VSNL1: variants seen among roughly 807,000 people sequenced by gnomAD.
The protein encoded by VSNL1 is visinin-like protein 1.
VSNL1 carries 6 observed loss-of-function variants against 20.4 expected under a neutral mutation model. The observed-to-expected ratio is 0.29, with a 90% CI of 0.16 to 0.58. The LOEUF (loss-of-function observed/expected upper bound fraction) is 0.58, where lower values mean the gene tolerates loss of function less well. VSNL1 is among the 20% of genes least tolerant of loss of function. The pLI, the probability that VSNL1 is intolerant of heterozygous loss-of-function variation, is 0.90. For synonymous variants in VSNL1, 93 were observed against 86.4 expected, an observed-to-expected ratio of 1.08 and a Z score of -0.42; for missense variants, 100 against 234.5, an observed-to-expected ratio of 0.43 and a Z score of 3.75.
chr2:17,564,777 G>T (rs1022540094), intron 1 of VSNL1, among the ~76,000 whole-genome samples: 10 of 152,142 alleles, frequency 6.6e-5, no homozygotes. Context: ...AGCAGTCAGG[G>T]TCTAATGGAG....
chr2:17,607,889 A>G (rs1664985538), intron 2 of VSNL1, among the ~76,000 whole-genome samples: 3 of 152,282 alleles, frequency 2.0e-5, no homozygotes, highest in Admixed American at 2.0e-4. Context: ...TTTTCAATAC[A>G]GAATGTTTAA....
rs192111927 is a variant in VSNL1, at chr2:17,615,038, T to C, written c.162+22802T>C. ...CAGTTTCTAGACTACTGAATAAATA[T>C]CTTCACCTTTCTTAACTACAGCTCC... On this transcript the variant is annotated intron_variant, in intron 2 of 3. Coordinates refer to ENST00000295156, the MANE Select transcript of VSNL1 (RefSeq NM_003385.5). Among the ~76,000 whole-genome samples, 121 of 152,308 alleles carry C rather than the reference T, an allele frequency of 7.9e-4. 1 individual carries two copies. Among genetic ancestry groups the C allele is most frequent in the Non-Finnish European group, 7.3e-4 (50 of 68,028 alleles).
intron 2 of VSNL1, among the ~76,000 whole-genome samples, chr2:17,606,668 G>T (rs1248111265): frequency 6.6e-6 from 1 of 152,154 alleles, no homozygotes; most frequent in Admixed American, 6.5e-5. Context: ...GCACTGAGGA[G>T]CCAGAGAGAG....
intron 2 of VSNL1, among the ~76,000 whole-genome samples, chr2:17,625,840 ATTTTTTTTTT>A (rs35795117): frequency 5.5e-5 from 6 of 108,542 alleles, no homozygotes; most frequent in Non-Finnish European, 9.3e-5. Flanking sequence ...TCCTTAGCTG[ATTTTTTTTTT>A]TTTTTTTTTT....
At chr2:17,569,813 C>T (rs188779003) in intron 1 of VSNL1, among the ~76,000 whole-genome samples, 49 of 152,202 alleles carry the variant, frequency 3.2e-4, no homozygotes, top group Non-Finnish European at 1.8e-4. Flanking sequence ...TTACTGAAAA[C>T]AGGTAATGAA....
At chr2:17,609,859 A>G (rs1382911466) in intron 2 of VSNL1, among the ~76,000 whole-genome samples, 1 of 152,178 alleles carries the variant, frequency 6.6e-6, no homozygotes, top group South Asian at 2.1e-4. Flanking sequence ...CCATAAGTTG[A>G]TAGCTTACAC....
intron 1 of VSNL1, among the ~76,000 whole-genome samples, chr2:17,572,099 T>C (rs75523806): frequency 0.033 from 5,024 of 152,312 alleles, 89 homozygotes; most frequent in East Asian, 0.097. Context: ...TCCTGAACAA[T>C]GCCTGTTGTC....
At chr2:17,548,962 T>A (rs1042613492) in intron 1 of VSNL1, among the ~76,000 whole-genome samples, 1 of 152,196 alleles carries the variant, frequency 6.6e-6, no homozygotes. Flanking sequence ...TGAACAGTCC[T>A]CTCCCACTCC....
At chr2:17,631,070 G>T (rs1380130663) in intron 2 of VSNL1, among the ~76,000 whole-genome samples, 1 of 152,168 alleles carries the variant, frequency 6.6e-6, no homozygotes, top group East Asian at 1.9e-4. Flanking sequence ...GTGAGCCACT[G>T]TGCGCAGCCC....
At chr2:17,629,936 G>A (rs1381998782) in intron 2 of VSNL1, among the ~76,000 whole-genome samples, 5 of 152,154 alleles carry the variant, frequency 3.3e-5, no homozygotes, top group African/African-American at 7.2e-5. Context: ...TTATGGACTC[G>A]GAATGGCGAG....
At chr2:17,608,307 T>C (rs972041516) in intron 2 of VSNL1, among the ~76,000 whole-genome samples, 5 of 152,246 alleles carry the variant, frequency 3.3e-5, no homozygotes, top group African/African-American at 7.2e-5. Flanking sequence ...TTTATCCATG[T>C]TCTTTTAAAA....
At chr2:17,639,739 G>T (rs1051014822) in intron 2 of VSNL1, among the ~76,000 whole-genome samples, 3 of 152,124 alleles carry the variant, frequency 2.0e-5, no homozygotes, top group African/African-American at 7.2e-5. Context: ...CACATCATGT[G>T]TGTGCTTTAC....
rs746333575 is a variant in VSNL1, at chr2:17,649,661, CAGA to C, written c.378+39_378+41del. The C allele has an allele frequency of 8.7e-6, 14 of 1,605,214 alleles. No homozygotes were observed. In the South Asian group the frequency reaches 9.9e-5, roughly 11 times the overall value. On this transcript the variant is annotated intron_variant, in intron 3 of 3. Coordinates refer to ENST00000295156, the MANE Select transcript of VSNL1 (RefSeq NM_003385.5). The surrounding 1 kb of genome is among the most constrained non-coding windows in gnomAD (Gnocchi z 6.4). ...GGGTGTGGTTGGCGGGTGGTGGGCA[CAGA>C]AGGAGACCCCACGGCAGCCTCCTAG...
At chr2:17,630,186 T>C (rs998826471) in intron 2 of VSNL1, among the ~76,000 whole-genome samples, 6 of 152,224 alleles carry the variant, frequency 3.9e-5, no homozygotes, top group Non-Finnish European at 8.8e-5. Context: ...TGTCTTCTAG[T>C]AATTAAGTAT....
At chr2:17,612,301 G>A (rs1024207312) in intron 2 of VSNL1, among the ~76,000 whole-genome samples, 2 of 152,202 alleles carry the variant, frequency 1.3e-5, no homozygotes, top group South Asian at 4.1e-4. Flanking sequence ...TTGTCTCGGG[G>A]ACTGGCCAGC....
At chr2:17,603,854 G>A (rs1357455143) in intron 2 of VSNL1, among the ~76,000 whole-genome samples, 1 of 152,188 alleles carries the variant, frequency 6.6e-6, no homozygotes, top group African/African-American at 2.4e-5. Flanking sequence ...ATGTCCCAGT[G>A]ACTCAAGGGA....
intron 3 of VSNL1, among the ~76,000 whole-genome samples, chr2:17,654,069 TA>T (rs1666175254): frequency 6.6e-6 from 1 of 152,270 alleles, no homozygotes; most frequent in South Asian, 2.1e-4. Context: ...AAATAGTATA[TA>T]TTTTTTTACC....
intron 2 of VSNL1, among the ~76,000 whole-genome samples, chr2:17,595,582 G>A (rs962598444): frequency 2.0e-5 from 3 of 152,194 alleles, no homozygotes; most frequent in African/African-American, 7.2e-5. Context: ...GTTATCAGCT[G>A]AATAATATTC....
intron 2 of VSNL1, among the ~76,000 whole-genome samples, chr2:17,600,250 T>C (rs1398792743): frequency 6.6e-6 from 1 of 152,210 alleles, no homozygotes; most frequent in Non-Finnish European, 1.5e-5. Flanking sequence ...CCCTCAGTTT[T>C]CTCACCTGTC....
Sources: gnomAD v4.1 joint callset for allele counts (sites outside exome capture counted in the v4.1 genomes callset) on GRCh38, gnomAD v4.1.1 for gene constraint, Gnocchi (gnomAD v3.1) non-coding constraint, MANE v1.5 for transcripts, NCBI Gene and HGNC (gene_info 2026-07-23, HGNC 2026-07-21) for gene names.